The following GDPD4 variants were observed in gnomAD, a reference collection of about 807,000 sequenced individuals.
The protein encoded by GDPD4 is glycerophosphodiester phosphodiesterase 6.
GDPD4 carries 60 observed loss-of-function variants against 67.8 expected under a neutral mutation model. That is an observed-to-expected ratio of 0.88 (90% CI 0.72 to 1.10). GDPD4 has a LOEUF of 1.10. Ranked by LOEUF, GDPD4 falls within the 50% of genes least tolerant of loss-of-function variation. The pLI, the probability that GDPD4 is intolerant of heterozygous loss-of-function variation, is 0.00. For missense variants in GDPD4, 623 were observed against 613.9 expected, an observed-to-expected ratio of 1.01 and a Z score of -0.16; for synonymous variants, 212 against 210.9, an observed-to-expected ratio of 1.00 and a Z score of -0.04.
intron 3 of GDPD4, among the ~76,000 whole-genome samples, chr11:77,283,139 T>C (rs1021195634): frequency 6.6e-6 from 1 of 152,180 alleles, no homozygotes; most frequent in East Asian, 1.9e-4. Flanking sequence ...AGGATGATCA[T>C]GGAAGCTAGC....
At chr11:77,246,437 T>G (rs577420634) in intron 11 of GDPD4, among the ~76,000 whole-genome samples, 9 of 152,324 alleles carry the variant, frequency 5.9e-5, no homozygotes, top group Non-Finnish European at 8.8e-5. Context: ...AAACTAAAAT[T>G]ATTAACGACT....
At position 77,271,322 on chromosome 11, in the gene GDPD4, C is replaced by T; in HGVS notation, c.279G>A (p.Arg93=). 1 of 1,613,772 alleles carries T rather than the reference C, an allele frequency of 6.2e-7. No individual in the cohort carries two copies. The highest frequency in any genetic ancestry group is 1.1e-5 in the South Asian group (1 of 91,068). The stretch of plus-strand genomic sequence containing the variant: ...GCATTGACAGCCCAGCTACCAGCCA[C>T]CTTTCTTTCCAGAATTTGCATATAA... ...MFIICKFWKE[R]WLVAGLSMQI... is the part of the protein sequence containing the mutation. Residue 93 remains arginine, a synonymous_variant, in exon 6 of 17, where the codon AGG becomes AGA. Coordinates refer to ENST00000315938, the MANE Select transcript of GDPD4 (RefSeq NM_182833.3).
intron 13 of GDPD4, among the ~76,000 whole-genome samples, chr11:77,235,400 G>A (rs979401031): frequency 6.6e-6 from 1 of 152,132 alleles, no homozygotes; most frequent in East Asian, 1.9e-4. Flanking sequence ...TAGTGTGAGA[G>A]GGAATCACTC....
chr11:77,270,200 A>G (rs1959202738), intron 7 of GDPD4, among the ~76,000 whole-genome samples: 1 of 152,224 alleles, frequency 6.6e-6, no homozygotes, highest in Non-Finnish European at 1.5e-5. Flanking sequence ...CTATTGGTTT[A>G]TCCATAGAGT....
intron 13 of GDPD4, among the ~76,000 whole-genome samples, chr11:77,235,009 G>GGTTTTTTTTTTTTTTTTT (rs1958524240): frequency 1.9e-5 from 1 of 52,254 alleles, no homozygotes; most frequent in African/African-American, 6.3e-5. Context: ...GTCAATATCT[G>GGTTTTTTTTTTTTTTTTT]TTTTTTTTTT....
intron 11 of GDPD4, among the ~76,000 whole-genome samples, chr11:77,254,160 A>T (rs1167987324): frequency 6.6e-6 from 1 of 152,174 alleles, no homozygotes; most frequent in Non-Finnish European, 1.5e-5. Context: ...AGGGGAACAC[A>T]GTTGTATGGC....
chr11:77,296,250 C>CA (rs200238027), intron 1 of GDPD4, among the ~76,000 whole-genome samples: 1,168 of 103,372 alleles, frequency 0.011, 8 homozygotes, highest in South Asian at 0.017. Flanking sequence ...GACTTCGTCT[C>CA]AAAAAAAAAA....
chr11:77,264,893 A>C (rs899581689), intron 10 of GDPD4, among the ~76,000 whole-genome samples: 1 of 152,168 alleles, frequency 6.6e-6, no homozygotes, highest in African/African-American at 2.4e-5. Flanking sequence ...GAAGCTCTGA[A>C]AAGTTGCCCT....
chr11:77,233,263 G>A, intron 13 of GDPD4, 91 bp from the exon 14 acceptor site: 1 of 1,286,388 alleles, frequency 7.8e-7, no homozygotes, highest in East Asian at 2.3e-5. Flanking sequence ...GTGAAAGGCT[G>A]TTGCCTAAAT....
At position 77,217,318 on chromosome 11, in the gene GDPD4, T is replaced by G; in HGVS notation, c.1526-4A>C. ...TTCTTACTTCCACTCTGAGTATCTG[T>G]GGGATGGAAAAGACACAGATTCCTC... is the stretch of plus-strand genomic sequence containing the variant. On this transcript the variant is annotated splice_region_variant and splice_polypyrimidine_tract_variant and intron_variant, in intron 16 of 16. Transcript: ENST00000315938. The G allele has an allele frequency of 6.2e-7, 1 of 1,603,316 alleles. No individual in the cohort carries two copies. Among genetic ancestry groups the G allele is most frequent in the Non-Finnish European group, 8.5e-7 (1 of 1,170,130 alleles).
At chr11:77,223,669 GCAGTCTGTCTGTTCTCAGAGCT>G (rs1958270277) in intron 16 of GDPD4, among the ~76,000 whole-genome samples, 2 of 152,204 alleles carry the variant, frequency 1.3e-5, no homozygotes, top group South Asian at 4.2e-4. Flanking sequence ...ACTTGAGGAA[GCAGTCTGTCTGTTCTCAGAGCT>G]CAAACACTGT....
intron 5 of GDPD4, among the ~76,000 whole-genome samples, chr11:77,273,379 C>G (rs1423564157): frequency 6.6e-6 from 1 of 152,180 alleles, no homozygotes; most frequent in Non-Finnish European, 1.5e-5. Flanking sequence ...GAAGACTCAA[C>G]CAAGGTAGTT....
intron 5 of GDPD4, among the ~76,000 whole-genome samples, chr11:77,273,576 A>G (rs1959315529): frequency 6.6e-6 from 1 of 152,242 alleles, no homozygotes; most frequent in Non-Finnish European, 1.5e-5. Context: ...AGACAAGGAA[A>G]AGAGAACATA....
intron 4 of GDPD4, among the ~76,000 whole-genome samples, chr11:77,277,551 C>T (rs1334277441): frequency 2.0e-5 from 3 of 151,422 alleles, no homozygotes; most frequent in African/African-American, 7.3e-5. Context: ...TATGGGCGCC[C>T]GCCACCACGC....
chr11:77,285,041 C>A (rs1959935352), intron 3 of GDPD4, 44 bp downstream of exon 3: 1 of 1,461,086 alleles, frequency 6.8e-7, no homozygotes, highest in South Asian at 1.2e-5. Flanking sequence ...GCTATCAGAC[C>A]AAAATACCCT....
intron 11 of GDPD4, among the ~76,000 whole-genome samples, chr11:77,256,730 A>C (rs1959009571): frequency 6.6e-6 from 1 of 152,166 alleles, no homozygotes; most frequent in Non-Finnish European, 1.5e-5. Context: ...GTTGTTGAAA[A>C]GAGCCTGGTA....
At chr11:77,285,250 G>T in intron 2 of GDPD4, 63 bp from the exon 3 acceptor site, 1 of 794,508 alleles carries the variant, frequency 1.3e-6, no homozygotes, top group Non-Finnish European at 2.1e-6. Flanking sequence ...AGCAGTTTCT[G>T]TATACACTTG....
intron 16 of GDPD4, among the ~76,000 whole-genome samples, chr11:77,227,072 CCG>C (rs906947667): frequency 2.9e-4 from 44 of 152,304 alleles, no homozygotes; most frequent in Admixed American, 2.5e-3. Context: ...ATATCCCACA[CCG>C]CGCAGTCTTC....
intron 13 of GDPD4, among the ~76,000 whole-genome samples, chr11:77,239,961 G>GGA (rs1555116748): frequency 9.7e-5 from 13 of 133,698 alleles, no homozygotes; most frequent in African/African-American, 3.3e-4. Flanking sequence ...GACTGCCTCA[G>GGA]AAAAAAAAAA....
Sources: allele counts gnomAD v4.1 joint callset (sites outside exome capture counted in the v4.1 genomes callset), GRCh38; gene constraint gnomAD v4.1.1; transcripts MANE v1.5; gene names NCBI Gene and HGNC (gene_info 2026-07-23, HGNC 2026-07-21).